PPP6R2: variants seen among roughly 807,000 people sequenced by gnomAD.
PPP6R2 encodes the protein serine/threonine-protein phosphatase 6 regulatory subunit 2.
PPP6R2 carries 62 observed loss-of-function variants against 100.2 expected under a neutral mutation model. That is an observed-to-expected ratio of 0.62 (90% CI 0.50 to 0.76). PPP6R2 has a LOEUF of 0.76. PPP6R2 is among the 30% of genes least tolerant of loss of function. The pLI is 0.00. For synonymous variants in PPP6R2, 525 were observed against 514.7 expected, an observed-to-expected ratio of 1.02 and a Z score of -0.27; for missense variants, 1,142 against 1,276.3, an observed-to-expected ratio of 0.89 and a Z score of 1.60.
intron 1 of PPP6R2, among the ~76,000 whole-genome samples, chr22:50,352,730 A>G (rs912536628): frequency 8.5e-6 from 1 of 117,480 alleles, no homozygotes; most frequent in Middle Eastern, 3.6e-3. Context: ...TCTCAAAACA[A>G]AAACAAAAAC....
intron 2 of PPP6R2, chr22:50,393,618 C>G: frequency 1.0e-6 from 1 of 954,450 alleles, no homozygotes; most frequent in East Asian, 1.2e-4. Context: ...GGGGGTGCAG[C>G]CTCAGAGCTG....
chr22:50,360,841 GTC>G (rs1471803668), intron 1 of PPP6R2, among the ~76,000 whole-genome samples: 1 of 152,140 alleles, frequency 6.6e-6, no homozygotes, highest in Non-Finnish European at 1.5e-5. Flanking sequence ...ACTGTGTAGA[GTC>G]TGTCAGTATC....
chr22:50,388,414 C>T (rs1186990001), intron 2 of PPP6R2, among the ~76,000 whole-genome samples: 1 of 149,188 alleles, frequency 6.7e-6, no homozygotes, highest in African/African-American at 2.5e-5. Context: ...AAAAATAAGC[C>T]TAAATCCTGG....
intron 1 of PPP6R2, among the ~76,000 whole-genome samples, chr22:50,364,733 C>T (rs2048402094): frequency 6.6e-6 from 1 of 152,022 alleles, no homozygotes; most frequent in African/African-American, 2.4e-5. Flanking sequence ...TCTGTGTGTG[C>T]AAAGGTGTTA....
chr22:50,354,642 A>G (rs943432925), intron 1 of PPP6R2, among the ~76,000 whole-genome samples: 5 of 151,738 alleles, frequency 3.3e-5, no homozygotes, highest in Admixed American at 1.3e-4. Context: ...GCTGGCCAAC[A>G]TGGTTAAACC....
upstream of PPP6R2, among the ~76,000 whole-genome samples, chr22:50,341,145 C>T (rs981630924): frequency 1.3e-5 from 2 of 152,126 alleles, no homozygotes; most frequent in African/African-American, 4.8e-5. Flanking sequence ...CTCCTGACTT[C>T]AAATGATCCA....
chr22:50,370,894 A>C (rs2148506426), intron 1 of PPP6R2, among the ~76,000 whole-genome samples: 1 of 152,260 alleles, frequency 6.6e-6, no homozygotes, highest in Non-Finnish European at 1.5e-5. Flanking sequence ...GGCCTCCCAA[A>C]GTGTTGGGAT....
At chr22:50,422,958 G>A (rs1025296720) in intron 9 of PPP6R2, among the ~76,000 whole-genome samples, 1 of 152,230 alleles carries the variant, frequency 6.6e-6, no homozygotes, top group Admixed American at 6.5e-5. Context: ...TCAGTGAAGA[G>A]AAGGTAGGTG....
At chr22:50,381,226 A>G (rs979187547) in intron 2 of PPP6R2, among the ~76,000 whole-genome samples, 15 of 150,352 alleles carry the variant, frequency 1.0e-4, no homozygotes. Flanking sequence ...CCACCTCAGC[A>G]TGGGGCACCA....
At chr22:50,427,553 T>C (rs1186302961) in intron 10 of PPP6R2, among the ~76,000 whole-genome samples, 1 of 152,130 alleles carries the variant, frequency 6.6e-6, no homozygotes, top group Non-Finnish European at 1.5e-5. Context: ...ATGTATTTAT[T>C]TATTTATTTC....
intron 2 of PPP6R2, among the ~76,000 whole-genome samples, chr22:50,381,702 C>G (rs1340248362): frequency 6.6e-6 from 1 of 151,912 alleles, no homozygotes; most frequent in African/African-American, 2.4e-5. Context: ...GGGTGGATCA[C>G]GAGATCAGGA....
At chr22:50,441,553 G>GC (rs1441115099) in intron 22 of PPP6R2, among the ~76,000 whole-genome samples, 2 of 152,174 alleles carry the variant, frequency 1.3e-5, no homozygotes, top group Non-Finnish European at 2.9e-5. Context: ...CGCCTCAGAA[G>GC]CAGGATAGTA....
At chr22:50,441,215 G>A (rs2065514369) in intron 22 of PPP6R2, 189 bp downstream of exon 22, 2 of 590,056 alleles carry the variant, frequency 3.4e-6, no homozygotes, top group Admixed American at 3.0e-5. Flanking sequence ...GCGTTTACGT[G>A]GAGGCCAGAT....
chr22:50,339,916 TGTG>T (rs2042352964), upstream of PPP6R2, among the ~76,000 whole-genome samples: 2 of 57,410 alleles, frequency 3.5e-5, no homozygotes, highest in South Asian at 9.2e-4. Context: ...TGGTATGTGG[TGTG>T]TGTGTGGGGT....
chr22:50,338,332 GGTATATGTAGT>G (rs2042326574), upstream of PPP6R2, among the ~76,000 whole-genome samples: 1 of 99,408 alleles, frequency 1.0e-5, no homozygotes, highest in African/African-American at 5.9e-5. Flanking sequence ...GTGTGTGTGT[GGTATATGTAGT>G]GTGTGTGGTA....
chr22:50,432,217 G>T, intron 11 of PPP6R2, 48 bp from the exon 12 acceptor site: 1 of 1,502,174 alleles, frequency 6.7e-7, no homozygotes, highest in Non-Finnish European at 9.1e-7. Context: ...AGGGGTGCGT[G>T]CCGCCTTCAG....
chr22:50,440,096 G>T (rs1325639457), intron 21 of PPP6R2, 47 bp downstream of exon 21: 1 of 1,531,496 alleles, frequency 6.5e-7, no homozygotes, highest in East Asian at 2.3e-5. Context: ...CCAGTTTAAG[G>T]CCTGAGGCCA....
chr22:50,439,569 G>A, intron 19 of PPP6R2, 132 bp from the exon 20 acceptor site: 1 of 1,033,820 alleles, frequency 9.7e-7, no homozygotes, highest in Admixed American at 3.0e-5. Context: ...GCACTGCCTG[G>A]GCCTCCCTCC....
At chr22:50,436,857 G>A (rs1336014306) in intron 14 of PPP6R2, 131 bp from the exon 15 acceptor site, 2 of 757,500 alleles carry the variant, frequency 2.6e-6, no homozygotes, top group Non-Finnish European at 4.5e-6. Flanking sequence ...CCTGGGCCCA[G>A]AGATCTGATG....
Sources: gnomAD v4.1 joint callset for allele counts (sites outside exome capture counted in the v4.1 genomes callset) on GRCh38, gnomAD v4.1.1 for gene constraint, MANE v1.5 for transcripts, NCBI Gene and HGNC (gene_info 2026-07-23, HGNC 2026-07-21) for gene names.